PRICKLE1: variants seen among roughly 807,000 people sequenced by gnomAD.
PRICKLE1 encodes the protein prickle planar cell polarity protein 1.
PRICKLE1 carries 14 observed loss-of-function variants against 70.2 expected under a neutral mutation model. That is an observed-to-expected ratio of 0.20 (90% CI 0.13 to 0.31). PRICKLE1 has a LOEUF of 0.31. Ranked by LOEUF, PRICKLE1 falls within the 10% of genes least tolerant of loss-of-function variation. The probability of loss-of-function intolerance (pLI) is 1.00; values close to 1 mark genes in which losing one functional copy is unlikely to be tolerated. For synonymous variants in PRICKLE1, 357 were observed against 379.9 expected, an observed-to-expected ratio of 0.94 and a Z score of 0.70; for missense variants, 821 against 1,026.2, an observed-to-expected ratio of 0.80 and a Z score of 2.73.
At chr12:42,570,766 G>A (rs1940697133) in intron 1 of PRICKLE1, among the ~76,000 whole-genome samples, 1 of 152,186 alleles carries the variant, frequency 6.6e-6, no homozygotes, top group Admixed American at 6.5e-5. Context: ...GTTGCAGTGA[G>A]CCGAGATTGT....
At chr12:42,536,726 G>C (rs1050288888) in intron 1 of PRICKLE1, among the ~76,000 whole-genome samples, 26 of 151,986 alleles carry the variant, frequency 1.7e-4, no homozygotes, top group African/African-American at 5.8e-4. Flanking sequence ...ACTTTCTTTG[G>C]GTCATCTGAT....
At chr12:42,557,984 C>T (rs546944253) in intron 1 of PRICKLE1, among the ~76,000 whole-genome samples, 4 of 152,298 alleles carry the variant, frequency 2.6e-5, no homozygotes, top group South Asian at 2.1e-4. Flanking sequence ...AGACACTTCA[C>T]GTGCTTAGTA....
At chr12:42,584,511 T>A (rs1438132928) in intron 1 of PRICKLE1, 1 of 152,166 alleles carries the variant, frequency 6.6e-6, no homozygotes, top group African/African-American at 2.4e-5. Context: ...TTATAGCACA[T>A]TAAGTGGTGG....
intron 1 of PRICKLE1, among the ~76,000 whole-genome samples, chr12:42,544,148 A>C (rs1940167150): frequency 6.6e-6 from 1 of 152,194 alleles, no homozygotes. Context: ...GCACTGTTCA[A>C]ACCTGTGTTG....
intron 1 of PRICKLE1, among the ~76,000 whole-genome samples, chr12:42,488,706 A>G (rs12812683): frequency 0.22 from 32,874 of 151,986 alleles, 3,702 homozygotes; most frequent in Admixed American, 0.29. Flanking sequence ...TAAATTGCAA[A>G]CCCCAGTATA....
intron 1 of PRICKLE1, among the ~76,000 whole-genome samples, chr12:42,491,045 T>C (rs1939092027): frequency 6.6e-6 from 1 of 151,016 alleles, no homozygotes; most frequent in South Asian, 2.1e-4. Flanking sequence ...TGGCTACTTT[T>C]TCTATCTTTA....
chr12:42,476,193 CTTTTTTT>C (rs530875710), intron 1 of PRICKLE1, among the ~76,000 whole-genome samples: 7,131 of 138,218 alleles, frequency 0.052, 584 homozygotes, highest in African/African-American at 0.18. Context: ...TTTCTTTTTT[CTTTTTTT>C]TTTTTGAGTT....
Position 42,553,131 on chromosome 12 carries a change from C to A in PRICKLE1, c.-49+36334G>T, listed in dbSNP as rs528429967. ...TAGAATATGAATATTTATGTGTCAT[C>A]CCCAGGTTCTTAAATTTTTTTTTTT... On this transcript the variant is annotated intron_variant, in intron 1 of 7. Transcript: ENST00000345127. 3.0e-4 allele frequency among the ~76,000 whole-genome samples: 45 copies of A among 152,154 alleles called. 1 individual carries two copies. In the South Asian group the frequency reaches 9.1e-3, roughly 31 times the overall value.
rs1261466973 is a variant in PRICKLE1, at chr12:42,469,504, T to C, written c.330A>G (p.Gly110=). Residue 110 remains glycine, a synonymous_variant, in exon 4 of 8, where the codon GGA becomes GGG. Transcript: ENST00000345127. ...FSAQRKKEAL[G]RGTIKLLSRA... is the part of the protein sequence containing the mutation. ...TGGACAGAAGCTTAATTGTTCCTCT[T>C]CCCAGTGCTTCTTTCTTCCGCTGAG... 1 of 1,614,028 alleles carries C rather than the reference T, an allele frequency of 6.2e-7. No individual in the cohort carries two copies. The highest frequency in any genetic ancestry group is 8.5e-7 in the Non-Finnish European group (1 of 1,180,028).
rs975000919 is a variant in PRICKLE1, at chr12:42,526,396, G to T, written c.-48-53832C>A. Among the ~76,000 whole-genome samples, 3 of 151,938 alleles carry T rather than the reference G, an allele frequency of 2.0e-5. No homozygotes were observed. In the East Asian group the frequency reaches 5.8e-4, roughly 29 times the overall value. On this transcript the variant is annotated intron_variant, in intron 1 of 7. Transcript: ENST00000345127. ...AGGAGTTGGCGGGGGCAGAGGTTGA[G>T]GTTTGTTTGGGGGAATTAAGAGAAA...
chr12:42,520,019 C>T (rs1378290143), intron 1 of PRICKLE1, among the ~76,000 whole-genome samples: 2 of 152,138 alleles, frequency 1.3e-5, no homozygotes, highest in African/African-American at 4.8e-5. Flanking sequence ...TTTCAACCCC[C>T]TCCATACAAG....
At chr12:42,531,043 CTTTTT>C (rs141334021) in intron 1 of PRICKLE1, among the ~76,000 whole-genome samples, 7,664 of 99,854 alleles carry the variant, frequency 0.077, 202 homozygotes, top group East Asian at 0.11. Flanking sequence ...ATGTTAAGGG[CTTTTT>C]TTTTTTTTTT....
intron 1 of PRICKLE1, among the ~76,000 whole-genome samples, chr12:42,579,331 T>C (rs898065394): frequency 8.5e-5 from 13 of 152,176 alleles, no homozygotes; most frequent in Non-Finnish European, 1.8e-4. Flanking sequence ...ATTTCACATG[T>C]CTTTTTTTTA....
chr12:42,467,783 G>A (rs1938160655), intron 5 of PRICKLE1, among the ~76,000 whole-genome samples: 1 of 151,894 alleles, frequency 6.6e-6, no homozygotes, highest in Non-Finnish European at 1.5e-5. Flanking sequence ...ACAAAAATAT[G>A]TTCAAATAGA....
intron 1 of PRICKLE1, among the ~76,000 whole-genome samples, chr12:42,533,589 G>C (rs1939963705): frequency 6.6e-6 from 1 of 152,000 alleles, no homozygotes; most frequent in African/African-American, 2.4e-5. Flanking sequence ...AGTCATAAAT[G>C]GTCATTATTT....
At position 42,468,680 on chromosome 12, in the gene PRICKLE1, G is replaced by A. The variant is rs1938196192; in HGVS notation, c.534C>T (p.His178=). Residue 178 remains histidine (H), a synonymous_variant, in exon 5 of 8, where the codon CAC becomes CAT. Coordinates refer to ENST00000345127, the MANE Select transcript of PRICKLE1 (RefSeq NM_153026.3). ...LIYFYQDGKI[H]CGRHHAELLK... is the part of the protein sequence containing the mutation. Reference sequence around the variant, plus strand: ...GCAGTTCTGCATGGTGCCTGCCACAGTGAATTTTTCCATCCTGATAAAAAT... The same window carrying A: ...GCAGTTCTGCATGGTGCCTGCCACAATGAATTTTTCCATCCTGATAAAAAT... 1 of 1,614,010 alleles carries A rather than the reference G, an allele frequency of 6.2e-7. No individual in the cohort carries two copies. Among genetic ancestry groups the A allele is most frequent in the South Asian group, 1.1e-5 (1 of 91,086 alleles).
intron 1 of PRICKLE1, among the ~76,000 whole-genome samples, chr12:42,564,157 C>G (rs1940578452): frequency 6.8e-6 from 1 of 148,144 alleles, no homozygotes. Context: ...ACTTGGGAGG[C>G]TGAGGCAGGA....
At chr12:42,530,569 G>T (rs1183284545) in intron 1 of PRICKLE1, among the ~76,000 whole-genome samples, 1 of 151,260 alleles carries the variant, frequency 6.6e-6, no homozygotes, top group Admixed American at 6.6e-5. Flanking sequence ...GAATCCCAAA[G>T]ACATTAGAGA....
chr12:42,537,834 C>G lies in PRICKLE1; in HGVS notation c.-49+51631G>C, dbSNP rs550675106. On this transcript the variant is annotated intron_variant, in intron 1 of 7. Coordinates refer to ENST00000345127, the MANE Select transcript of PRICKLE1 (RefSeq NM_153026.3). Reference sequence around the variant, plus strand: ...AATGGCATGTCCATCTCAGGACTCACTTGTTCAAAGAAGCATTCTTTCAAC... The same window carrying G: ...AATGGCATGTCCATCTCAGGACTCAGTTGTTCAAAGAAGCATTCTTTCAAC... 5.3e-5 allele frequency among the ~76,000 whole-genome samples: 8 copies of G among 152,310 alleles called. No homozygotes were observed. The South Asian group carries it at 1.7e-3, about 32-fold the overall frequency.
Sources: allele counts gnomAD v4.1 joint callset (sites outside exome capture counted in the v4.1 genomes callset), GRCh38; gene constraint gnomAD v4.1.1; transcripts MANE v1.5; gene names NCBI Gene and HGNC (gene_info 2026-07-23, HGNC 2026-07-21).